The following HIVEP2 variants were observed in gnomAD, a reference collection of about 807,000 sequenced individuals.
HIVEP2 encodes the protein transcription factor HIVEP2.
HIVEP2 carries 14 observed loss-of-function variants against 180.7 expected under a neutral mutation model. That is an observed-to-expected ratio of 0.08 (90% CI 0.05 to 0.12). HIVEP2 has a LOEUF of 0.12. Ranked by LOEUF, HIVEP2 falls within the 10% of genes least tolerant of loss-of-function variation. The pLI is 1.00. For missense variants in HIVEP2, 2,579 were observed against 3,008.5 expected (o/e 0.86, Z 3.34); for synonymous variants, 1,184 against 1,136.4 (o/e 1.04, Z -0.84).
intron 1 of HIVEP2, among the ~76,000 whole-genome samples, chr6:142,875,877 A>C (rs1430653032): frequency 2.0e-5 from 3 of 150,942 alleles, no homozygotes; most frequent in Admixed American, 6.6e-5. Flanking sequence ...CAAGTTGAAA[A>C]TTCATGATAG....
At chr6:142,862,867 A>G (rs1166371587) in intron 1 of HIVEP2, among the ~76,000 whole-genome samples, 1 of 132,156 alleles carries the variant, frequency 7.6e-6, no homozygotes, top group East Asian at 2.1e-4. Context: ...TAATATATAA[A>G]TATCTATTAT....
chr6:142,902,329 C>T (rs1233737431), intron 1 of HIVEP2, among the ~76,000 whole-genome samples: 4 of 152,178 alleles, frequency 2.6e-5, no homozygotes, highest in South Asian at 2.1e-4. Flanking sequence ...GCCCCCAAAA[C>T]CCATAAGCCC....
At chr6:142,848,171 A>G (rs1775563292) in intron 1 of HIVEP2, among the ~76,000 whole-genome samples, 1 of 152,256 alleles carries the variant, frequency 6.6e-6, no homozygotes, top group African/African-American at 2.4e-5. Context: ...AACTGTGATG[A>G]AGCTACTGCA....
chr6:142,804,673 A>G (rs1218082685), intron 2 of HIVEP2, among the ~76,000 whole-genome samples: 1 of 152,164 alleles, frequency 6.6e-6, no homozygotes, highest in Non-Finnish European at 1.5e-5. Flanking sequence ...AAAGTTAAAA[A>G]TTGTTCTCTG....
At chr6:142,789,744 AATTG>A (rs1247035171) in intron 2 of HIVEP2, among the ~76,000 whole-genome samples, 2 of 152,190 alleles carry the variant, frequency 1.3e-5, no homozygotes, top group South Asian at 4.1e-4. Flanking sequence ...CTATTTCAGA[AATTG>A]ATTGAATGAG....
Position 142,772,448 on chromosome 6 carries a change from T to G in HIVEP2, c.2291A>C (p.Gln764Pro). 6.2e-7 allele frequency: 1 copy of G among 1,614,186 alleles called. No homozygotes were observed. The change falls in exon 5 of 10, where the codon CAA becomes CCA. Residue 764 changes from glutamine to proline, a missense_variant. Physicochemically the swap from Gln to Pro is moderately conservative, Grantham distance 76. This residue lies in a region of HIVEP2 where 524 missense variants were observed against 563.6 expected (regional missense o/e 0.93). Coordinates refer to ENST00000367603, the MANE Select transcript of HIVEP2 (RefSeq NM_006734.4). The surrounding 1 kb of genome is among the most constrained non-coding windows in gnomAD (Gnocchi z 4.9). ...HTERFDPCRP[Q>P]LQPGSPSLVS... The stretch of plus-strand genomic sequence containing the variant: ...AAGAGATGGACTTCCAGGCTGCAGT[T>G]GGGGCCGACATGGGTCAAAGCGTTC...
At position 142,851,740 on chromosome 6, in the gene HIVEP2, G is replaced by A. The variant is rs116057494; in HGVS notation, c.-640-14693C>T. ...AAATCTAAATATCCTGCCATGACTG[G>A]CACTCAATTTTCAGTTCTAGTCATA... On this transcript the variant is annotated intron_variant, in intron 1 of 9. Transcript: ENST00000367603. Among the ~76,000 whole-genome samples the A allele has an allele frequency of 7.8e-3, 1,183 of 152,274 alleles. 16 individuals carry two copies. The highest frequency in any genetic ancestry group is 0.028 in the African/African-American group (1,151 of 41,546).
rs1410646823 is a variant in HIVEP2 at position 142,844,534 on chromosome 6, T to TG, written c.-640-7488dup. 2.0e-5 allele frequency among the ~76,000 whole-genome samples: 3 copies of TG among 152,204 alleles called. No homozygotes were observed. In the East Asian group the frequency reaches 5.8e-4, roughly 29 times the overall value. The stretch of plus-strand genomic sequence containing the variant: ...TGTTTCACATTAATGTTAAATGCCA[T>TG]GACTATGGTTTAGCCACAGTTACTG... On this transcript the variant is annotated intron_variant, in intron 1 of 9. Transcript: ENST00000367603.
chr6:142,880,566 A>G (rs1410802127), intron 1 of HIVEP2, among the ~76,000 whole-genome samples: 2 of 152,172 alleles, frequency 1.3e-5, no homozygotes, highest in Non-Finnish European at 2.9e-5. Flanking sequence ...ATACCTTTAA[A>G]GGCATTCGGT....
intron 3 of HIVEP2, among the ~76,000 whole-genome samples, chr6:142,782,330 C>T (rs973692758): frequency 2.6e-5 from 4 of 152,080 alleles, no homozygotes; most frequent in African/African-American, 4.8e-5. Context: ...ATGAACATCT[C>T]GGGGCATTGT....
chr6:142,870,442 G>T (rs1776261896), intron 1 of HIVEP2, among the ~76,000 whole-genome samples: 1 of 152,094 alleles, frequency 6.6e-6, no homozygotes, highest in South Asian at 2.1e-4. Context: ...GTTTTTTGCG[G>T]AATGTACAAT....
intron 1 of HIVEP2, among the ~76,000 whole-genome samples, chr6:142,884,443 A>G (rs1168186949): frequency 6.6e-6 from 1 of 152,144 alleles, no homozygotes; most frequent in Non-Finnish European, 1.5e-5. Flanking sequence ...GAGTGTTTTA[A>G]TTTTGCCTAA....
chr6:142,842,265 A>C (rs1002670994), intron 1 of HIVEP2, among the ~76,000 whole-genome samples: 1 of 152,208 alleles, frequency 6.6e-6, no homozygotes, highest in Admixed American at 6.5e-5. Context: ...ACTTAAAATT[A>C]TAAATAAAAT....
intron 1 of HIVEP2, among the ~76,000 whole-genome samples, chr6:142,877,117 G>A (rs1179032721): frequency 6.6e-6 from 1 of 152,124 alleles, no homozygotes. Context: ...TATCAACTTT[G>A]TATATTTTTG....
chr6:142,921,316 GC>G (rs67840509), intron 1 of HIVEP2, among the ~76,000 whole-genome samples: 1 of 152,224 alleles, frequency 6.6e-6, no homozygotes, highest in Non-Finnish European at 1.5e-5. Context: ...CAGGCAGATT[GC>G]TTGAGGCCAG....
chr6:142,816,557 T>A (rs1776842295), intron 2 of HIVEP2, among the ~76,000 whole-genome samples: 1 of 152,122 alleles, frequency 6.6e-6, no homozygotes, highest in South Asian at 2.1e-4. Flanking sequence ...ACAGGACACA[T>A]AGACTACCAG....
chr6:142,794,221 C>T (rs968898926), intron 2 of HIVEP2: 5 of 152,144 alleles, frequency 3.3e-5, no homozygotes, highest in African/African-American at 1.2e-4. Flanking sequence ...GCTTCAAGTA[C>T]TATTTCTACT....
chr6:142,894,482 T>A (rs1364879108), intron 1 of HIVEP2, among the ~76,000 whole-genome samples: 1 of 152,204 alleles, frequency 6.6e-6, no homozygotes, highest in Non-Finnish European at 1.5e-5. Context: ...TAAAAGTAGA[T>A]GATCCATAAA....
chr6:142,940,895 G>A (rs1415784881), intron 1 of HIVEP2, among the ~76,000 whole-genome samples: 1 of 152,160 alleles, frequency 6.6e-6, no homozygotes, highest in Non-Finnish European at 1.5e-5. Context: ...GACCCCCTCT[G>A]CTTTCTGCCG....
Sources: allele counts gnomAD v4.1 joint callset (sites outside exome capture counted in the v4.1 genomes callset), GRCh38; gene constraint gnomAD v4.1.1; regional missense constraint gnomAD v4.1.1; non-coding constraint Gnocchi (gnomAD v3.1); transcripts MANE v1.5; gene names NCBI Gene and HGNC (gene_info 2026-07-23, HGNC 2026-07-21).